Variants in CEP44 observed in about 807,000 individuals in gnomAD.
CEP44 encodes the protein centrosomal protein 44, also known as centrosomal protein of 44 kDa.
A neutral mutation model predicts 46.7 loss-of-function variants in CEP44; 45 were observed. That is an observed-to-expected ratio of 0.96 (90% CI 0.76 to 1.24). The LOEUF (loss-of-function observed/expected upper bound fraction) is 1.24, where lower values mean the gene tolerates loss of function less well. Ranked by LOEUF, CEP44 falls within the 50% of genes most tolerant of loss-of-function variation. The pLI is 0.00. For synonymous variants in CEP44, 142 were observed against 146.0 expected, an observed-to-expected ratio of 0.97 and a Z score of 0.20; for missense variants, 475 against 459.7, an observed-to-expected ratio of 1.03 and a Z score of -0.30.
rs544583916 is a variant in CEP44 at position 174,328,972 on chromosome 4, A to T, written c.1087-2510A>T. Among the ~76,000 whole-genome samples the T allele has an allele frequency of 3.9e-5, 6 of 151,956 alleles. No individual in the cohort carries two copies. In the South Asian group the frequency reaches 1.2e-3, roughly 32 times the overall value. Reference sequence around the variant, plus strand: ...TTTTCTTTTTTTTCTTTTAAGACAGAGTCTTTTTCTGTCACCCAGGCAGGA... The same window carrying T: ...TTTTCTTTTTTTTCTTTTAAGACAGTGTCTTTTTCTGTCACCCAGGCAGGA... On this transcript the variant is annotated intron_variant, in intron 8 of 8. Transcript: ENST00000426172.
chr4:174,327,424 T>C, intron 8 of CEP44, among the ~76,000 whole-genome samples: 1 of 151,718 alleles, frequency 6.6e-6, no homozygotes, highest in East Asian at 1.9e-4. Context: ...GTCTTGACAG[T>C]TTTTTTTCCC....
Position 174,288,566 on chromosome 4 carries a change from T to C in CEP44, c.-148+4623T>C, listed in dbSNP as rs554235192. 6.6e-6 allele frequency among the ~76,000 whole-genome samples: 1 copy of C among 152,280 alleles called. No individual in the cohort carries two copies. Among genetic ancestry groups the C allele is most frequent in the South Asian group, 2.1e-4 (1 of 4,822 alleles). On this transcript the variant is annotated intron_variant, in intron 1 of 11. Transcript: ENST00000503780. This position sits in a 1 kb window ranked among gnomAD's most constrained non-coding sequence, Gnocchi z 4.6. ...TTAGCTTATTTCACTTAGCATAATG[T>C]CCTTCAGGTTCATCCATGTTGTTGC...
rs1741626325 is a variant in CEP44 at position 174,315,836 on chromosome 4, GTCTCA to G, written c.962-329_962-325del. Among the ~76,000 whole-genome samples, 3 of 99,166 alleles carry G rather than the reference GTCTCA, an allele frequency of 3.0e-5. No individual in the cohort carries two copies. In the South Asian group the frequency reaches 1.0e-3, roughly 33 times the overall value. The allele number at this position is 99,166 out of a possible 152,430, so 65.1% of individuals were successfully genotyped here. ...TGCCTGGGCGACAGAGCGAGACTCCGTCTCAAAAAAAAAAAAAAAAAAAGAAAAGA... is the reference window on the plus strand; with the variant it reads ...TGCCTGGGCGACAGAGCGAGACTCCGAAAAAAAAAAAAAAAAAAGAAAAGA... On this transcript the variant is annotated intron_variant, in intron 9 of 11. Transcript: ENST00000503780.
At position 174,317,434 on chromosome 4, in the gene CEP44, A is replaced by G. The variant is rs759121457; in HGVS notation, c.*51A>G. ...GGACTTTGGTTACTATACATATTGT[A>G]TATTTTAAGAATTCTTTATACAATT... On this transcript the variant is annotated 3_prime_UTR_variant, in exon 12 of 12. Transcript: ENST00000503780. The G allele has an allele frequency of 1.5e-6, 2 of 1,329,106 alleles. No homozygotes were observed. The highest frequency in any genetic ancestry group is 2.7e-5 in the Admixed American group (1 of 36,800). 82.3% of individuals were successfully genotyped at this position (1,329,106 alleles called of 1,614,324 possible). A position where few individuals can be genotyped will look rare whatever the true frequency, so the allele number is the denominator to read the frequency against.
At chr4:174,306,122 C>T (rs72702258) in intron 6 of CEP44, among the ~76,000 whole-genome samples, 11,470 of 151,968 alleles carry the variant, frequency 0.075, 568 homozygotes, top group Non-Finnish European at 0.11. Flanking sequence ...TGCCTATTTG[C>T]GCTTCTGAGT....
At chr4:174,313,418 T>C (rs957445564) in intron 9 of CEP44, among the ~76,000 whole-genome samples, 3 of 148,538 alleles carry the variant, frequency 2.0e-5, no homozygotes, top group African/African-American at 7.4e-5. Context: ...CAGAAGAGTG[T>C]GGTTTGTTCC....
At chr4:174,316,649 TGTGTTTCAAACCTTAAAG>T (rs1741758177) in intron 11 of CEP44, 82 bp downstream of exon 11, 1 of 1,312,194 alleles carries the variant, frequency 7.6e-7, no homozygotes, top group East Asian at 2.5e-5. Flanking sequence ...AATGTGCATG[TGTGTTTCAAACCTTAAAG>T]GTCTCTCAAT....
At chr4:174,322,683 T>C (rs1252708093), downstream of CEP44, among the ~76,000 whole-genome samples, 3 of 152,070 alleles carry the variant, frequency 2.0e-5, no homozygotes, top group East Asian at 5.8e-4. Flanking sequence ...TCATTTTATT[T>C]TGTGGCTTGA....
rs1418992749 is a variant in CEP44, at chr4:174,310,902, GA to G, written c.961+49del. 4 of 851,070 alleles carry G rather than the reference GA, an allele frequency of 4.7e-6. No homozygotes were observed. In the African/African-American group the frequency reaches 5.2e-5, roughly 11 times the overall value. 52.7% of individuals were successfully genotyped at this position (851,070 alleles called of 1,614,324 possible). ...TGAGAATTGGTATGATGAGTTTTCAGAAAAATGATTGTTATAGTAATTTTAA... is the reference window on the plus strand; with the variant it reads ...TGAGAATTGGTATGATGAGTTTTCAGAAAATGATTGTTATAGTAATTTTAA... On this transcript the variant is annotated intron_variant, in intron 9 of 11. Transcript: ENST00000503780. The surrounding 1 kb of genome is among the most constrained non-coding windows in gnomAD (Gnocchi z 4.2).
At chr4:174,333,185 GGTTAA>G (rs1731393227) in exon 9 of CEP44, 1 of 139,616 alleles carries the variant, frequency 7.2e-6, no homozygotes. Flanking sequence ...GAAATTAGGT[GGTTAA>G]TTAGAGAGCG....
rs1738024830 is a variant in CEP44, at chr4:174,290,132, G to C, written c.-148+6189G>C. On this transcript the variant is annotated intron_variant, in intron 1 of 11. Transcript: ENST00000503780. The surrounding 1 kb of genome is among the most constrained non-coding windows in gnomAD (Gnocchi z 4.3). Reference sequence around the variant, plus strand: ...GCCCCCAAAAGTGCTAGGATTATAGGCGTGAGCCACTGTGTCCTGCCTCTT... The same window carrying C: ...GCCCCCAAAAGTGCTAGGATTATAGCCGTGAGCCACTGTGTCCTGCCTCTT... Among the ~76,000 whole-genome samples, 1 of 152,100 alleles carries C rather than the reference G, an allele frequency of 6.6e-6. No homozygotes were observed. The highest frequency in any genetic ancestry group is 1.5e-5 in the Non-Finnish European group (1 of 67,998).
chr4:174,325,629 T>G lies in CEP44; in HGVS notation c.1087-5853T>G, dbSNP rs533695698. ...ATGAATATATCACTGCACTCCAGCC[T>G]GGGTGACAGAGCAAGACCCTGTCTC... On this transcript the variant is annotated intron_variant, in intron 8 of 8. Coordinates refer to the CEP44 transcript ENST00000426172. The surrounding 1 kb of genome is among the most constrained non-coding windows in gnomAD (Gnocchi z 4.4). Among the ~76,000 whole-genome samples, 12 of 152,272 alleles carry G rather than the reference T, an allele frequency of 7.9e-5. No homozygotes were observed. The East Asian group carries it at 2.3e-3, about 29-fold the overall frequency.
In CEP44 at chr4:174,311,214, TG is replaced by T. The variant is rs1234137694; in HGVS notation, c.961+357del. On this transcript the variant is annotated intron_variant, in intron 9 of 11. Coordinates refer to ENST00000503780, the MANE Select transcript of CEP44 (RefSeq NM_001040157.3). The surrounding 1 kb of genome is among the most constrained non-coding windows in gnomAD (Gnocchi z 4.4). ...GCTTTCTCATATGTAAATAATAATATGTAAGAGAAGAAAACACATTTGTCAG... is the reference window on the plus strand; with the variant it reads ...GCTTTCTCATATGTAAATAATAATATTAAGAGAAGAAAACACATTTGTCAG... Among the ~76,000 whole-genome samples, 1 of 151,922 alleles carries T rather than the reference TG, an allele frequency of 6.6e-6. No individual in the cohort carries two copies. Among genetic ancestry groups the T allele is most frequent in the Admixed American group, 6.6e-5 (1 of 15,238 alleles).
Position 174,310,015 on chromosome 4 carries a change from C to G in CEP44, c.844C>G (p.Arg282Gly), listed in dbSNP as rs780963842. The G allele has an allele frequency of 6.2e-7, 1 of 1,612,352 alleles. No homozygotes were observed. Among genetic ancestry groups the G allele is most frequent in the Non-Finnish European group, 8.5e-7 (1 of 1,178,984 alleles). The change falls in exon 8 of 12, where the codon CGT becomes GGT. Residue 282 changes from arginine to glycine, a missense_variant. Arg to Gly is a moderately radical substitution (Grantham distance 125). Transcript: ENST00000503780. This position sits in a 1 kb window ranked among gnomAD's most constrained non-coding sequence, Gnocchi z 4.2. ...DENTWTNLLS[R>G]VTLLETEMLL... Reference sequence around the variant, plus strand: ...AAACACCTGGACTAATCTTCTTAGTCGTGTCACTCTTCTTGAAACAGAAAT... The same window carrying G: ...AAACACCTGGACTAATCTTCTTAGTGGTGTCACTCTTCTTGAAACAGAAAT...
At chr4:174,315,072 G>A (rs1394549307) in intron 9 of CEP44, among the ~76,000 whole-genome samples, 1 of 152,106 alleles carries the variant, frequency 6.6e-6, no homozygotes. Flanking sequence ...TGGAGCAAAT[G>A]GCAGAAGTAG....
At chr4:174,302,241 T>C (rs906358512) in intron 4 of CEP44, 55 bp downstream of exon 4, 56 of 1,175,090 alleles carry the variant, frequency 4.8e-5, no homozygotes, top group Admixed American at 6.9e-5. Flanking sequence ...TTTTAAAAAT[T>C]AATGATTTAG....
chr4:174,288,832 T>C lies in CEP44; in HGVS notation c.-148+4889T>C, dbSNP rs530239111. Among the ~76,000 whole-genome samples, 1 of 152,296 alleles carries C rather than the reference T, an allele frequency of 6.6e-6. No homozygotes were observed. Among genetic ancestry groups the C allele is most frequent in the South Asian group, 2.1e-4 (1 of 4,830 alleles). On this transcript the variant is annotated intron_variant, in intron 1 of 11. Transcript: ENST00000503780. This position sits in a 1 kb window ranked among gnomAD's most constrained non-coding sequence, Gnocchi z 4.6. Reference sequence around the variant, plus strand: ...CAACCTTGCCTTGTTCCTCATCTTATGGGGAAAGCTTTCAGTTTTTTATCT... The same window carrying C: ...CAACCTTGCCTTGTTCCTCATCTTACGGGGAAAGCTTTCAGTTTTTTATCT...
rs989818404 is a variant in CEP44, at chr4:174,331,829, C to T, written c.*234C>T. 2.3e-6 allele frequency: 1 copy of T among 434,692 alleles called. No homozygotes were observed. Among genetic ancestry groups the T allele is most frequent in the Non-Finnish European group, 3.9e-6 (1 of 253,704 alleles). 26.9% of individuals were successfully genotyped at this position (434,692 alleles called of 1,614,324 possible). A position where few individuals can be genotyped will look rare whatever the true frequency, so the allele number is the denominator to read the frequency against. ...TTCTCAAAATGTCTGCTGATAGCCC[C>T]TCACTCATATTTTTCATGTGGGTTT... is the stretch of plus-strand genomic sequence containing the variant. On this transcript the variant is annotated 3_prime_UTR_variant, in exon 9 of 9. Coordinates refer to the CEP44 transcript ENST00000426172. The surrounding 1 kb of genome is among the most constrained non-coding windows in gnomAD (Gnocchi z 4.5).
intron 7 of CEP44, 52 bp downstream of exon 7, chr4:174,308,911 G>A (rs776130096): frequency 9.5e-6 from 14 of 1,467,344 alleles, no homozygotes; most frequent in South Asian, 2.4e-5. Flanking sequence ...ACTTAAATAT[G>A]TGTAATTATT....
Sources: gnomAD v4.1 joint callset for allele counts (sites outside exome capture counted in the v4.1 genomes callset) on GRCh38, gnomAD v4.1.1 for gene constraint, Gnocchi (gnomAD v3.1) non-coding constraint, MANE v1.5 for transcripts, NCBI Gene and HGNC (gene_info 2026-07-23, HGNC 2026-07-21) for gene names.